Variants in ACO2 observed in about 807,000 individuals in gnomAD.
ACO2 encodes the protein aconitate hydratase, mitochondrial.
Under a neutral mutation model 84.5 loss-of-function variants are expected in ACO2, and 31 were observed. The observed-to-expected ratio is 0.37, with a 90% confidence interval of 0.28 to 0.50. The LOEUF is 0.50. ACO2 is among the 20% of genes least tolerant of loss of function. The probability of loss-of-function intolerance (pLI) is 0.97; values close to 1 mark genes in which losing one functional copy is unlikely to be tolerated. For synonymous variants in ACO2, 414 were observed against 412.7 expected (o/e 1.00, Z -0.04); for missense variants, 685 against 1,029.3 (o/e 0.67, Z 4.58).
intron 2 of ACO2, among the ~76,000 whole-genome samples, chr22:41,503,546 G>C (rs755758714): frequency 3.9e-5 from 6 of 151,976 alleles, no homozygotes; most frequent in Non-Finnish European, 7.4e-5. Flanking sequence ...AGCCGGGATG[G>C]TCTCAATCTC....
intron 7 of ACO2, among the ~76,000 whole-genome samples, chr22:41,517,883 T>C (rs1240189721): frequency 6.6e-6 from 1 of 152,244 alleles, no homozygotes; most frequent in East Asian, 1.9e-4. Flanking sequence ...GCATTTCATT[T>C]TCCCTGGAAG....
intron 2 of ACO2, among the ~76,000 whole-genome samples, chr22:41,506,685 C>T (rs2066395875): frequency 6.6e-6 from 1 of 152,144 alleles, no homozygotes; most frequent in Non-Finnish European, 1.5e-5. Flanking sequence ...ACCAGGCCCC[C>T]AGGTCAGGGT....
chr22:41,473,828 C>T (rs887614434), intron 1 of ACO2, among the ~76,000 whole-genome samples: 6 of 152,112 alleles, frequency 3.9e-5, no homozygotes, highest in Non-Finnish European at 7.3e-5. Flanking sequence ...GCAGAGCACC[C>T]ACCTAGGTAT....
rs781530892 is a variant in ACO2 at position 41,523,814 on chromosome 22, C to A, written c.1371-16C>A. ...AAGGCCAGATATCCCTAACCCTGAT[C>A]CCTCTGACCTGGCAGGAAGGACATC... On this transcript the variant is annotated splice_polypyrimidine_tract_variant and intron_variant, in intron 11 of 17. Coordinates refer to ENST00000216254, the MANE Select transcript of ACO2 (RefSeq NM_001098.3). 6.2e-6 allele frequency: 10 copies of A among 1,605,172 alleles called. No individual in the cohort carries two copies. The South Asian group carries it at 8.8e-5, about 14-fold the overall frequency.
chr22:41,483,529 T>C (rs1156452389), intron 1 of ACO2, among the ~76,000 whole-genome samples: 2 of 151,960 alleles, frequency 1.3e-5, no homozygotes, highest in African/African-American at 4.8e-5. Context: ...TGGTGGTGCA[T>C]GCCTGTAATC....
At chr22:41,477,249 G>A (rs1488644101) in intron 1 of ACO2, among the ~76,000 whole-genome samples, 1 of 151,668 alleles carries the variant, frequency 6.6e-6, no homozygotes, top group Non-Finnish European at 1.5e-5. Flanking sequence ...CGCCTCCCGG[G>A]TTCACGCCAT....
intron 16 of ACO2, 177 bp downstream of exon 16, chr22:41,527,597 C>T (rs954520825): frequency 1.0e-4 from 97 of 939,946 alleles, no homozygotes; most frequent in African/African-American, 8.5e-4. Context: ...CTCAGCTTCC[C>T]GGCTTCCCGC....
Position 41,515,621 on chromosome 22 carries a change from A to G in ACO2, c.684+86A>G. Reference sequence around the variant, plus strand: ...CGGGAGACGGTGGGACCCAGGAGGGAAAAGGGAACAAGTTAGACTCGAATC... The same window carrying G: ...CGGGAGACGGTGGGACCCAGGAGGGGAAAGGGAACAAGTTAGACTCGAATC... On this transcript the variant is annotated intron_variant, in intron 5 of 17. Transcript: ENST00000216254. This position sits in a 1 kb window ranked among gnomAD's most constrained non-coding sequence, Gnocchi z 5.8. The G allele has an allele frequency of 6.4e-7, 1 of 1,572,810 alleles. No individual in the cohort carries two copies.
chr22:41,527,604 C>T (rs540096897), intron 16 of ACO2, 184 bp downstream of exon 16: 6 of 908,858 alleles, frequency 6.6e-6, no homozygotes, highest in Non-Finnish European at 9.7e-6. Context: ...TCCCGGCTTC[C>T]CGCAGGCCCT....
chr22:41,526,974 C>T (rs1340906204), intron 15 of ACO2: 2 of 459,858 alleles, frequency 4.3e-6, no homozygotes, highest in Non-Finnish European at 7.8e-6. Flanking sequence ...TTGTGTGGGG[C>T]CCGGAGGCCG....
intron 1 of ACO2, among the ~76,000 whole-genome samples, chr22:41,483,462 G>A (rs1054976148): frequency 1.4e-4 from 22 of 152,068 alleles, no homozygotes; most frequent in Non-Finnish European, 2.1e-4. Flanking sequence ...TTCGAGACCA[G>A]CCTAGCCAAC....
At chr22:41,527,594 TC>T in intron 16 of ACO2, 174 bp downstream of exon 16, 1 of 949,542 alleles carries the variant, frequency 1.1e-6, no homozygotes. Flanking sequence ...ACGCTCAGCT[TC>T]CCGGCTTCCC....
At chr22:41,474,469 G>A (rs2037984882) in intron 1 of ACO2, among the ~76,000 whole-genome samples, 1 of 146,312 alleles carries the variant, frequency 6.8e-6, no homozygotes, top group South Asian at 2.2e-4. Context: ...AATTTTTTGT[G>A]TGTTTTTAGT....
chr22:41,495,367 G>A (rs1185021282), intron 1 of ACO2, among the ~76,000 whole-genome samples: 2 of 151,998 alleles, frequency 1.3e-5, no homozygotes, highest in Admixed American at 6.6e-5. Flanking sequence ...TATGTTGGCC[G>A]GGTTGGTCTT....
At chr22:41,513,402 G>A (rs1372657694) in intron 4 of ACO2, among the ~76,000 whole-genome samples, 1 of 152,158 alleles carries the variant, frequency 6.6e-6, no homozygotes, top group Non-Finnish European at 1.5e-5. Flanking sequence ...CTTTCTTCCC[G>A]CCTTGATGTC....
rs185183264 is a variant in ACO2 at position 41,504,443 on chromosome 22, C to A, written c.174-3348C>A. 1.9e-3 allele frequency among the ~76,000 whole-genome samples: 296 copies of A among 152,288 alleles called. 2 individuals are homozygous for A. The highest frequency in any genetic ancestry group is 0.01 in the South Asian group (50 of 4,828). ...ATCCTCAGGGACATTCAATGATGAA[C>A]CCATCCTAAAGCTTCAGCATTGCTG... is the stretch of plus-strand genomic sequence containing the variant. On this transcript the variant is annotated intron_variant, in intron 2 of 17. Transcript: ENST00000216254.
At position 41,469,131 on chromosome 22, in the gene ACO2, T is replaced by C. The variant is rs2037904966; in HGVS notation, c.-16T>C. The C allele has an allele frequency of 6.2e-7, 1 of 1,608,022 alleles. No individual in the cohort carries two copies. Among genetic ancestry groups the C allele is most frequent in the Non-Finnish European group, 8.5e-7 (1 of 1,176,990 alleles). On this transcript the variant is annotated 5_prime_UTR_variant, in exon 1 of 18. Transcript: ENST00000216254. ...GACGTCACTTTAATGCGACCTCATC[T>C]TTGTCAGTGCACAAAATGGCGCCCT...
chr22:41,480,734 G>A (rs1254974668), intron 1 of ACO2, among the ~76,000 whole-genome samples: 1 of 152,132 alleles, frequency 6.6e-6, no homozygotes, highest in Non-Finnish European at 1.5e-5. Context: ...AGTCCCCAGG[G>A]CAATTTTGTG....
At position 41,499,780 on chromosome 22, in the gene ACO2, A is replaced by G. The variant is rs1455228639; in HGVS notation, c.91A>G (p.Lys31Glu). The G allele has an allele frequency of 6.2e-7, 1 of 1,614,072 alleles. No individual in the cohort carries two copies. The highest frequency in any genetic ancestry group is 8.5e-7 in the Non-Finnish European group (1 of 1,180,034). Residue 31 changes from lysine to glutamate, a missense_variant, in exon 2 of 18, where the codon AAG becomes GAG. By Grantham distance (56) the Lys-to-Glu change is moderately conservative (BLOSUM62 1). Transcript: ENST00000216254. ...HVASVLCQRA[K>E]VAMSHFEPNE... ...GGCCTCAGTCCTGTGCCAACGGGCC[A>G]AGGTGGCGATGAGCCACTTTGAGCC...
Sources: allele counts gnomAD v4.1 joint callset (sites outside exome capture counted in the v4.1 genomes callset), GRCh38; gene constraint gnomAD v4.1.1; non-coding constraint Gnocchi (gnomAD v3.1); transcripts MANE v1.5; gene names NCBI Gene and HGNC (gene_info 2026-07-23, HGNC 2026-07-21).